The following GRM7 variants were observed in gnomAD, a reference collection of about 807,000 sequenced individuals.
GRM7 encodes glutamate metabotropic receptor 7, also known as metabotropic glutamate receptor 7.
In GRM7, 35 loss-of-function variants were observed where a neutral mutation model predicts 84.5. The ratio of observed to expected loss-of-function variants is 0.41; its 90% CI spans 0.32 to 0.55. GRM7 has a LOEUF of 0.55. Among genes scored for constraint, GRM7 ranks in the 20% least tolerant of loss-of-function variants. GRM7 has a pLI of 0.19. For synonymous variants in GRM7, 487 were observed against 455.1 expected (o/e 1.07, Z -0.89); for missense variants, 1,003 against 1,194.6 (o/e 0.84, Z 2.36).
intron 8 of GRM7, among the ~76,000 whole-genome samples, chr3:7,668,568 C>G (rs973690630): frequency 6.6e-6 from 1 of 152,192 alleles, no homozygotes; most frequent in Non-Finnish European, 1.5e-5. Context: ...TTAGAAAAGT[C>G]TTTGCTGAGA....
intron 7 of GRM7, among the ~76,000 whole-genome samples, chr3:7,546,349 G>T (rs952923400): frequency 9.2e-5 from 14 of 152,092 alleles, no homozygotes; most frequent in Non-Finnish European, 2.9e-5. Context: ...CCTGACCATG[G>T]CAGTAGGATG....
chr3:7,115,954 T>G (rs1693016745), intron 1 of GRM7, among the ~76,000 whole-genome samples: 1 of 152,124 alleles, frequency 6.6e-6, no homozygotes, highest in Non-Finnish European at 1.5e-5. Context: ...GACATTGCCT[T>G]TCAGATGTCT....
At chr3:7,227,988 C>T (rs1697037975) in intron 2 of GRM7, among the ~76,000 whole-genome samples, 2 of 152,262 alleles carry the variant, frequency 1.3e-5, no homozygotes, top group South Asian at 4.1e-4. Context: ...TTCAGGTACT[C>T]TTCTCTCAGA....
chr3:7,711,722 C>T (rs1377214324), intron 9 of GRM7, among the ~76,000 whole-genome samples: 3 of 152,196 alleles, frequency 2.0e-5, no homozygotes, highest in East Asian at 1.9e-4. Context: ...CTCGATGCCT[C>T]GCCTGTGTGT....
At chr3:6,893,080 T>C (rs73015901) in intron 1 of GRM7, 11,184 of 152,194 alleles carry the variant, frequency 0.073, 560 homozygotes, top group Non-Finnish European at 0.11. Flanking sequence ...TTAATAACCA[T>C]TTTTTAATCT....
chr3:7,090,087 C>A (rs1377972724), intron 1 of GRM7, among the ~76,000 whole-genome samples: 1 of 152,140 alleles, frequency 6.6e-6, no homozygotes, highest in Non-Finnish European at 1.5e-5. Context: ...AGGTGATCCA[C>A]CAGCCTCAGC....
At chr3:6,997,691 G>C (rs1250228532) in intron 1 of GRM7, among the ~76,000 whole-genome samples, 1 of 152,148 alleles carries the variant, frequency 6.6e-6, no homozygotes, top group African/African-American at 2.4e-5. Context: ...CCTCCCAAAT[G>C]TCATGTCCTC....
At chr3:6,916,357 G>A (rs1479403804) in intron 1 of GRM7, among the ~76,000 whole-genome samples, 1 of 152,154 alleles carries the variant, frequency 6.6e-6, no homozygotes, top group Non-Finnish European at 1.5e-5. Flanking sequence ...AACATTATCA[G>A]GAGTTCCAAG....
Position 7,630,458 on chromosome 3 carries a change from C to T in GRM7, c.2452-49591C>T, listed in dbSNP as rs555308277. ...CCTGTATCTCTGTTGAGCTCAACCC[C>T]TAAGTTGTCATCCCTGCCAGACGCA... is the stretch of plus-strand genomic sequence containing the variant. On this transcript the variant is annotated intron_variant, in intron 8 of 9. Transcript: ENST00000357716. Among the ~76,000 whole-genome samples the T allele has an allele frequency of 2.5e-4, 38 of 152,230 alleles. 1 individual carries two copies. The highest frequency in any genetic ancestry group is 1.6e-3 in the Admixed American group (24 of 15,290).
chr3:6,973,324 G>A (rs200542669), intron 1 of GRM7, among the ~76,000 whole-genome samples: 3 of 151,782 alleles, frequency 2.0e-5, no homozygotes, highest in Admixed American at 2.0e-4. Context: ...TATGTACCAT[G>A]TTCCTTCTTA....
intron 2 of GRM7, among the ~76,000 whole-genome samples, chr3:7,161,947 C>T (rs1024384220): frequency 2.0e-5 from 3 of 152,196 alleles, no homozygotes; most frequent in African/African-American, 7.2e-5. Flanking sequence ...GAGATGGCAA[C>T]AAGCATTTGA....
rs115070087 is a variant in GRM7 at position 7,586,695 on chromosome 3, C to T, written c.2451+7338C>T. Among the ~76,000 whole-genome samples the T allele has an allele frequency of 6.4e-3, 973 of 152,190 alleles. 10 individuals carry two copies. The highest frequency in any genetic ancestry group is 0.023 in the African/African-American group (942 of 41,530). ...TGGTGGTGTGCATCTGTAAACCCAG[C>T]TACTTGGGAGGTGGAGGCACGAGAA... On this transcript the variant is annotated intron_variant, in intron 8 of 9. Transcript: ENST00000357716.
chr3:7,020,260 C>G (rs1154368), intron 1 of GRM7, among the ~76,000 whole-genome samples: 82,888 of 152,048 alleles, frequency 0.55, 22,830 homozygotes, highest in South Asian at 0.61. Flanking sequence ...AACTGAAAAG[C>G]CTGTATACTG....
intron 4 of GRM7, among the ~76,000 whole-genome samples, chr3:7,355,753 G>C (rs1396191723): frequency 6.6e-6 from 1 of 152,054 alleles, no homozygotes; most frequent in East Asian, 1.9e-4. Flanking sequence ...CTGTGATCAG[G>C]CCTGAGCAGG....
At chr3:7,117,577 G>T (rs1250468289) in intron 1 of GRM7, among the ~76,000 whole-genome samples, 3 of 152,132 alleles carry the variant, frequency 2.0e-5, no homozygotes. Flanking sequence ...CAGAAGACTT[G>T]CACTTGAGTC....
chr3:7,325,975 A>G (rs911141721), intron 4 of GRM7, among the ~76,000 whole-genome samples: 12 of 152,128 alleles, frequency 7.9e-5, no homozygotes, highest in African/African-American at 2.7e-4. Context: ...ATGAGTAACT[A>G]CTTAAGGAAG....
intron 2 of GRM7, among the ~76,000 whole-genome samples, chr3:7,193,507 C>A (rs1455822635): frequency 6.6e-6 from 1 of 152,062 alleles, no homozygotes; most frequent in East Asian, 1.9e-4. Flanking sequence ...TTGTGAGAAT[C>A]TGATTTCCAT....
chr3:7,259,416 T>C (rs1368749859), intron 2 of GRM7, among the ~76,000 whole-genome samples: 1 of 152,212 alleles, frequency 6.6e-6, no homozygotes, highest in Non-Finnish European at 1.5e-5. Flanking sequence ...TTATTTTTTT[T>C]CTGATTCTTT....
intron 7 of GRM7, among the ~76,000 whole-genome samples, chr3:7,463,571 T>C (rs1257598324): frequency 6.6e-6 from 1 of 152,090 alleles, no homozygotes; most frequent in Non-Finnish European, 1.5e-5. Context: ...AGTTACATGG[T>C]ACTCAGCAAA....
Sources: allele counts gnomAD v4.1 joint callset (sites outside exome capture counted in the v4.1 genomes callset), GRCh38; gene constraint gnomAD v4.1.1; transcripts MANE v1.5; gene names NCBI Gene and HGNC (gene_info 2026-07-23, HGNC 2026-07-21).